CCDC7: variants seen among roughly 807,000 people sequenced by gnomAD.
CCDC7 encodes coiled-coil domain-containing protein 7.
CCDC7 carries 183 observed loss-of-function variants against 196.9 expected under a neutral mutation model. The ratio of observed to expected loss-of-function variants is 0.93; its 90% confidence interval spans 0.82 to 1.05. CCDC7 has a LOEUF of 1.05. Among genes scored for constraint, CCDC7 ranks in the 50% least tolerant of loss-of-function variants. CCDC7 has a pLI of 0.00. For synonymous variants in CCDC7, 525 were observed against 484.6 expected (o/e 1.08, Z -1.10); for missense variants, 1,540 against 1,482.2 (o/e 1.04, Z -0.64).
chr10:32,531,629 G>A (rs1440297594), intron 11 of CCDC7, among the ~76,000 whole-genome samples: 1 of 152,138 alleles, frequency 6.6e-6, no homozygotes, highest in South Asian at 2.1e-4. Flanking sequence ...AGTAGGATTG[G>A]TATTAGATCT....
intron 20 of CCDC7, among the ~76,000 whole-genome samples, chr10:32,636,742 C>A (rs546784666): frequency 6.6e-6 from 1 of 152,168 alleles, no homozygotes; most frequent in South Asian, 2.1e-4. Context: ...GGGTATATAC[C>A]CAGTAATGGG....
At chr10:32,540,126 C>T (rs557814777) in intron 11 of CCDC7, among the ~76,000 whole-genome samples, 136 of 147,750 alleles carry the variant, frequency 9.2e-4, no homozygotes, top group Non-Finnish European at 9.3e-4. Context: ...CAATCTCCCA[C>T]TATTATTGTG....
intron 9 of CCDC7, among the ~76,000 whole-genome samples, chr10:32,509,405 A>G (rs897041517): frequency 2.6e-5 from 4 of 152,086 alleles, no homozygotes; most frequent in African/African-American, 9.7e-5. Context: ...TAAATTCAAA[A>G]TGCATTAAAA....
At chr10:32,664,122 G>A (rs566800100) in exon 21 of CCDC7, 2 of 396,296 alleles carry the variant, frequency 5.0e-6, no homozygotes, top group East Asian at 7.2e-5. Context: ...GGAAGTAGAA[G>A]TAAAGAAACA....
intron 31 of CCDC7, among the ~76,000 whole-genome samples, chr10:32,820,604 G>C (rs190819627): frequency 9.5e-4 from 145 of 152,210 alleles, no homozygotes; most frequent in South Asian, 1.2e-3. Flanking sequence ...CATGGTACTG[G>C]TACCAAAACA....
chr10:32,784,595 C>T (rs2081534298), intron 29 of CCDC7, among the ~76,000 whole-genome samples: 1 of 152,046 alleles, frequency 6.6e-6, no homozygotes, highest in Non-Finnish European at 1.5e-5. Context: ...TTTTTTGAGA[C>T]GAAGTCTCGC....
chr10:32,829,280 C>T (rs920718024), intron 32 of CCDC7, among the ~76,000 whole-genome samples: 2 of 152,138 alleles, frequency 1.3e-5, no homozygotes, highest in Non-Finnish European at 2.9e-5. Flanking sequence ...AATTTCATAG[C>T]CTGCTGAGGT....
At chr10:32,582,912 A>C in intron 16 of CCDC7, 122 bp from the exon 18 acceptor site, 1 of 562,698 alleles carries the variant, frequency 1.8e-6, no homozygotes, top group Non-Finnish European at 2.6e-6. Flanking sequence ...TGGAATAACC[A>C]TAAACTAATG....
chr10:32,611,659 A>T (rs1450994545), intron 18 of CCDC7, among the ~76,000 whole-genome samples: 2 of 152,206 alleles, frequency 1.3e-5, no homozygotes, highest in Non-Finnish European at 2.9e-5. Context: ...TTTTCTCAGC[A>T]TCATTTATTA....
At chr10:32,792,605 A>G (rs1313287595) in intron 29 of CCDC7, among the ~76,000 whole-genome samples, 1 of 152,142 alleles carries the variant, frequency 6.6e-6, no homozygotes, top group Non-Finnish European at 1.5e-5. Context: ...GTTCAAGACC[A>G]CCCTGGCCAA....
chr10:32,731,446 GT>G (rs962883814), intron 28 of CCDC7, among the ~76,000 whole-genome samples: 86 of 150,442 alleles, frequency 5.7e-4, no homozygotes, highest in African/African-American at 1.9e-3. Flanking sequence ...GTGCTTTTCA[GT>G]TTTTTTTTGT....
chr10:32,567,610 G>C (rs1452313384), intron 14 of CCDC7, 60 bp from the exon 16 acceptor site: 4 of 1,504,002 alleles, frequency 2.7e-6, no homozygotes, highest in Non-Finnish European at 3.6e-6. Flanking sequence ...CCTGAATGTG[G>C]TAGTATTGGC....
chr10:32,765,133 T>TGAAG (rs1420292408), intron 28 of CCDC7, among the ~76,000 whole-genome samples: 1 of 151,950 alleles, frequency 6.6e-6, no homozygotes, highest in Non-Finnish European at 1.5e-5. Context: ...CAGGACCCCT[T>TGAAG]GAAGGAAGGG....
chr10:32,697,804 C>A (rs1349713823), intron 24 of CCDC7, among the ~76,000 whole-genome samples: 1 of 152,214 alleles, frequency 6.6e-6, no homozygotes, highest in East Asian at 1.9e-4. Context: ...CCCTGTCTGA[C>A]AGCTTTGAAG....
chr10:32,839,234 A>T (rs1422652793), intron 33 of CCDC7, among the ~76,000 whole-genome samples: 1 of 151,768 alleles, frequency 6.6e-6, no homozygotes, highest in Admixed American at 6.6e-5. Flanking sequence ...CAGAATAGAT[A>T]AGAAAAACCT....
chr10:32,498,450 TTAGTTGATG>T (rs2043257689), intron 9 of CCDC7, among the ~76,000 whole-genome samples: 1 of 152,174 alleles, frequency 6.6e-6, no homozygotes, highest in African/African-American at 2.4e-5. Flanking sequence ...ATTTTGCCCG[TTAGTTGATG>T]CTGTTTCTTC....
intron 26 of CCDC7, among the ~76,000 whole-genome samples, chr10:32,727,166 G>T (rs2083253373): frequency 6.6e-6 from 1 of 152,130 alleles, no homozygotes; most frequent in Non-Finnish European, 1.5e-5. Flanking sequence ...CTTACCACGT[G>T]TAGCGATGTT....
At chr10:32,620,096 T>C (rs2063240378) in intron 18 of CCDC7, among the ~76,000 whole-genome samples, 1 of 151,860 alleles carries the variant, frequency 6.6e-6, no homozygotes, top group African/African-American at 2.4e-5. Context: ...CTAATTTTTG[T>C]ATTTTTAGTA....
At chr10:32,878,433 C>G (rs1169676437), downstream of CCDC7, among the ~76,000 whole-genome samples, 1 of 151,948 alleles carries the variant, frequency 6.6e-6, no homozygotes, top group Non-Finnish European at 1.5e-5. Context: ...AGAAGTAGGA[C>G]CAGGAATAGT....
Sources: gnomAD v4.1 joint callset for allele counts (sites outside exome capture counted in the v4.1 genomes callset) on GRCh38, gnomAD v4.1.1 for gene constraint, MANE v1.5 for transcripts, NCBI Gene and HGNC (gene_info 2026-07-23, HGNC 2026-07-21) for gene names.